Variants in SEC24D observed in about 807,000 individuals in gnomAD.
The protein encoded by SEC24D is SEC24 homolog D, COPII component.
A neutral mutation model predicts 116.9 loss-of-function variants in SEC24D; 69 were observed. That is an observed-to-expected ratio of 0.59 (90% CI 0.49 to 0.72). SEC24D has a LOEUF of 0.72. Among genes scored for constraint, SEC24D ranks in the 30% least tolerant of loss-of-function variants. SEC24D has a pLI of 0.00. For synonymous variants in SEC24D, 405 were observed against 442.8 expected, an observed-to-expected ratio of 0.91 and a Z score of 1.07; for missense variants, 1,131 against 1,264.1, an observed-to-expected ratio of 0.89 and a Z score of 1.60.
intron 2 of SEC24D, among the ~76,000 whole-genome samples, chr4:118,832,902 G>C (rs952725978): frequency 6.6e-6 from 1 of 152,204 alleles, no homozygotes; most frequent in Non-Finnish European, 1.5e-5. Flanking sequence ...TGAACAAGAA[G>C]AGGGATGCTT....
intron 11 of SEC24D, 97 bp downstream of exon 11, chr4:118,757,624 C>CA (rs1015479466): frequency 1.8e-4 from 212 of 1,150,548 alleles, no homozygotes; most frequent in Middle Eastern, 1.6e-3. Flanking sequence ...TCCTCATTAG[C>CA]AAAAAAAATC....
At chr4:118,817,617 G>C (rs1382834652) in intron 3 of SEC24D, among the ~76,000 whole-genome samples, 1 of 151,754 alleles carries the variant, frequency 6.6e-6, no homozygotes, top group African/African-American at 2.4e-5. Flanking sequence ...CTCACATGCT[G>C]AACATGCCAA....
At chr4:118,785,273 A>G (rs1010431262) in intron 8 of SEC24D, among the ~76,000 whole-genome samples, 3 of 152,326 alleles carry the variant, frequency 2.0e-5, no homozygotes, top group Admixed American at 2.0e-4. Flanking sequence ...ATACTTCTAT[A>G]TATAAATGAT....
At chr4:118,771,814 C>G (rs532475523) in intron 8 of SEC24D, among the ~76,000 whole-genome samples, 1 of 152,204 alleles carries the variant, frequency 6.6e-6, no homozygotes, top group Admixed American at 6.5e-5. Flanking sequence ...TGCTGCCATT[C>G]TCTTGGGTAA....
At chr4:118,798,815 ACCCTAGT>A (rs1296544662) in intron 7 of SEC24D, among the ~76,000 whole-genome samples, 2 of 152,188 alleles carry the variant, frequency 1.3e-5, no homozygotes, top group South Asian at 2.1e-4. Context: ...CAAGCGATTT[ACCCTAGT>A]GGGTATCTGG....
chr4:118,784,747 C>A (rs926030146), intron 8 of SEC24D, among the ~76,000 whole-genome samples: 5 of 151,594 alleles, frequency 3.3e-5, no homozygotes, highest in African/African-American at 9.7e-5. Context: ...CTGCCCCCCC[C>A]CCCGCCACCA....
intron 21 of SEC24D, 143 bp from the exon 22 acceptor site, chr4:118,728,793 G>A (rs967030924): frequency 1.9e-5 from 10 of 517,520 alleles, no homozygotes; most frequent in African/African-American, 1.2e-4. Flanking sequence ...CAAAACTGTG[G>A]GGAAAATGCA....
chr4:118,809,408 C>T lies in SEC24D; in HGVS notation c.802-3454G>A, dbSNP rs116475547. 3.0e-3 allele frequency among the ~76,000 whole-genome samples: 458 copies of T among 152,266 alleles called. 3 individuals carry two copies. Among genetic ancestry groups the T allele is most frequent in the African/African-American group, 0.01 (429 of 41,556 alleles). ...ACCAAAAGGGTTATAATAAGCACCT[C>T]GCTCAGGACTGGGGTATAGCAGAAG... On this transcript the variant is annotated intron_variant, in intron 6 of 22. Transcript: ENST00000280551.
At position 118,740,777 on chromosome 4, in the gene SEC24D, G is replaced by T; in HGVS notation, c.2124C>A (p.Ile708=). 1 of 1,613,896 alleles carries T rather than the reference G, an allele frequency of 6.2e-7. No individual in the cohort carries two copies. The highest frequency in any genetic ancestry group is 1.1e-5 in the South Asian group (1 of 91,072). The part of the protein sequence containing the change: ...GFRATDFFGG[I]LMNNTTDVEM... ...CTACATCGGTGGTGTTGTTCATCAA[G>T]ATTCCACCAAAGAAATCAGTGGCTC... Residue 708 remains isoleucine, a synonymous_variant, in exon 17 of 23, where the codon ATC becomes ATA. Coordinates refer to ENST00000280551, the MANE Select transcript of SEC24D (RefSeq NM_014822.4).
At chr4:118,742,592 A>C (rs1726284990) in intron 15 of SEC24D, among the ~76,000 whole-genome samples, 1 of 152,204 alleles carries the variant, frequency 6.6e-6, no homozygotes, top group Non-Finnish European at 1.5e-5. Flanking sequence ...AAGCTTTTTC[A>C]ATTTTATTTC....
At position 118,732,743 on chromosome 4, in the gene SEC24D, A is replaced by G; in HGVS notation, c.2666T>C (p.Leu889Pro). The change falls in exon 20 of 23, where the codon CTT becomes CCT. Residue 889 changes from leucine to proline, a missense_variant. By Grantham distance (98) the Leu-to-Pro change is moderately conservative. Coordinates refer to ENST00000280551, the MANE Select transcript of SEC24D (RefSeq NM_014822.4). Reference protein sequence around the residue: ...ADSQLFFYPQLLPIHTLDVKS... With the variant: ...ADSQLFFYPQPLPIHTLDVKS... ...CCCCAGCATGCTTACTATGGGCAGA[A>G]GTTGTGGGTAGAAGAAAAGCTGAGA... The G allele has an allele frequency of 6.2e-7, 1 of 1,613,880 alleles. No individual in the cohort carries two copies. The highest frequency in any genetic ancestry group is 1.7e-5 in the Admixed American group (1 of 60,000).
intron 13 of SEC24D, among the ~76,000 whole-genome samples, chr4:118,751,288 C>G (rs1321219289): frequency 6.7e-6 from 1 of 149,718 alleles, no homozygotes; most frequent in Non-Finnish European, 1.5e-5. Context: ...AAACGATTCT[C>G]CCACCTCAGC....
intron 8 of SEC24D, among the ~76,000 whole-genome samples, chr4:118,773,808 T>C (rs1349784926): frequency 6.6e-6 from 1 of 152,214 alleles, no homozygotes; most frequent in African/African-American, 2.4e-5. Context: ...TTTCTACTTT[T>C]AGCTTTACTG....
chr4:118,805,851 T>C lies in SEC24D; in HGVS notation c.905A>G (p.Gln302Arg), dbSNP rs1729652438. The C allele has an allele frequency of 1.3e-6, 2 of 1,549,776 alleles. No individual in the cohort carries two copies. The highest frequency in any genetic ancestry group is 2.2e-5 in the Admixed American group (1 of 46,200). ...PPLVTTDCMI[Q>R]DQGNASPRFI... is the part of the protein sequence containing the mutation. ...TAATTAAAAACAAATACCTTGGTCT[T>C]GTATCATGCAATCTGTAGTGACCAG... The change falls in exon 7 of 23, where the codon CAA becomes CGA. Residue 302 changes from glutamine to arginine, a missense_variant. Gln to Arg is a conservative substitution (Grantham distance 43, BLOSUM62 1). Transcript: ENST00000280551.
chr4:118,734,780 T>C (rs1401915194), intron 19 of SEC24D, among the ~76,000 whole-genome samples: 3 of 152,184 alleles, frequency 2.0e-5, no homozygotes, highest in Non-Finnish European at 4.4e-5. Context: ...GTTAAATATA[T>C]GTTTATTCAT....
intron 8 of SEC24D, among the ~76,000 whole-genome samples, chr4:118,780,350 C>T (rs990216393): frequency 2.0e-5 from 3 of 152,138 alleles, no homozygotes; most frequent in Non-Finnish European, 4.4e-5. Context: ...GCCTTCATTT[C>T]GTTATGTACC....
chr4:118,729,584 C>T (rs1482636498), intron 21 of SEC24D: 2 of 152,178 alleles, frequency 1.3e-5, no homozygotes, highest in African/African-American at 4.8e-5. Context: ...GGGAATGCAG[C>T]GTCTTAGATA....
intron 13 of SEC24D, among the ~76,000 whole-genome samples, chr4:118,749,489 G>A (rs966700635): frequency 6.6e-6 from 1 of 152,154 alleles, no homozygotes; most frequent in Non-Finnish European, 1.5e-5. Flanking sequence ...GTTCTGAAAT[G>A]TTTTCACTTG....
chr4:118,812,290 G>T (rs555324818), intron 6 of SEC24D, among the ~76,000 whole-genome samples: 1 of 152,056 alleles, frequency 6.6e-6, no homozygotes, highest in Non-Finnish European at 1.5e-5. Flanking sequence ...TATGGGAGGC[G>T]GGCAGGGAAG....
Sources: gnomAD v4.1 joint callset for allele counts (sites outside exome capture counted in the v4.1 genomes callset) on GRCh38, gnomAD v4.1.1 for gene constraint, MANE v1.5 for transcripts, NCBI Gene and HGNC (gene_info 2026-07-23, HGNC 2026-07-21) for gene names.